Variants in CNTN5 observed in about 807,000 individuals in gnomAD.
The protein encoded by CNTN5 is contactin 5.
Under a neutral mutation model 129.1 loss-of-function variants are expected in CNTN5, and 77 were observed. The observed-to-expected ratio is 0.60, with a 90% confidence interval of 0.50 to 0.72. The LOEUF is 0.72. Ranked by LOEUF, CNTN5 falls within the 30% of genes least tolerant of loss-of-function variation. The pLI is 0.00. For missense variants in CNTN5, 1,478 were observed against 1,328.8 expected, an observed-to-expected ratio of 1.11 and a Z score of -1.75; for synonymous variants, 509 against 465.6, an observed-to-expected ratio of 1.09 and a Z score of -1.20.
intron 13 of CNTN5, among the ~76,000 whole-genome samples, chr11:100,157,630 A>T (rs1449228954): frequency 6.6e-6 from 1 of 151,854 alleles, no homozygotes; most frequent in Non-Finnish European, 1.5e-5. Flanking sequence ...AAGTTGAAAA[A>T]TTGTAAAGAT....
At chr11:99,226,209 T>C (rs1860677175) in intron 1 of CNTN5, among the ~76,000 whole-genome samples, 1 of 152,172 alleles carries the variant, frequency 6.6e-6, no homozygotes, top group South Asian at 2.1e-4. Flanking sequence ...AGTTAATCTA[T>C]GAAAGAATTT....
chr11:99,641,628 C>A (rs1023547676), intron 3 of CNTN5, among the ~76,000 whole-genome samples: 1 of 152,058 alleles, frequency 6.6e-6, no homozygotes, highest in Non-Finnish European at 1.5e-5. Context: ...AAAGAGATGT[C>A]GGCTAATGGG....
intron 1 of CNTN5, among the ~76,000 whole-genome samples, chr11:99,250,525 T>TA (rs141641386): frequency 0.064 from 9,801 of 152,026 alleles, 361 homozygotes; most frequent in Middle Eastern, 0.092. Flanking sequence ...GTAGCAATAT[T>TA]AAAAATCTAA....
Position 100,002,100 on chromosome 11 carries a change from G to T in CNTN5, c.944G>T (p.Gly315Val), listed in dbSNP as rs1437307535. ...CCTTTCACGGTTACAGCTGCTAAAG[G>T]AACAACTGTTAAGATGGAATGCTTT... Reference protein sequence around the residue: ...HFPFTVTAAKGTTVKMECFAL... With the variant: ...HFPFTVTAAKVTTVKMECFAL... Residue 315 changes from glycine to valine, a missense_variant, in exon 9 of 25, where the codon GGA becomes GTA. Physicochemically the swap from Gly to Val is moderately radical, Grantham distance 109. Coordinates refer to ENST00000524871, the MANE Select transcript of CNTN5 (RefSeq NM_014361.4). 6.3e-7 allele frequency: 1 copy of T among 1,595,976 alleles called. No homozygotes were observed. The highest frequency in any genetic ancestry group is 8.5e-7 in the Non-Finnish European group (1 of 1,174,384).
At chr11:99,435,985 C>T (rs575852306) in intron 2 of CNTN5, among the ~76,000 whole-genome samples, 2 of 152,234 alleles carry the variant, frequency 1.3e-5, no homozygotes, top group South Asian at 4.1e-4. Context: ...TTTGAAATGA[C>T]TCATAATTTT....
Position 99,912,661 on chromosome 11 carries a change from G to A in CNTN5, c.578-3393G>A, listed in dbSNP as rs182886020. Among the ~76,000 whole-genome samples the A allele has an allele frequency of 6.4e-3, 612 of 95,960 alleles. 9 individuals are homozygous for A. The highest frequency in any genetic ancestry group is 0.029 in the African/African-American group (569 of 19,384). The allele number at this position is 95,960 out of a possible 152,430, so 63.0% of individuals were successfully genotyped here. A position where few individuals can be genotyped will look rare whatever the true frequency, so the allele number is the denominator to read the frequency against. The stretch of plus-strand genomic sequence containing the variant: ...TTTTTCATAGTTTTTTTTTTTTTTC[G>A]TAGTTCTTCTAGGATGAATAGGTGC... On this transcript the variant is annotated intron_variant, in intron 6 of 24. Coordinates refer to ENST00000524871, the MANE Select transcript of CNTN5 (RefSeq NM_014361.4).
At chr11:99,896,212 C>T (rs1055171048) in intron 6 of CNTN5, among the ~76,000 whole-genome samples, 9 of 152,176 alleles carry the variant, frequency 5.9e-5, no homozygotes, top group African/African-American at 2.2e-4. Context: ...GGCTTGTGCC[C>T]CACAAGTCCC....
intron 3 of CNTN5, among the ~76,000 whole-genome samples, chr11:99,569,425 C>T (rs1217188567): frequency 3.3e-5 from 5 of 152,008 alleles, no homozygotes; most frequent in South Asian, 2.1e-4. Context: ...GCGATTCTCC[C>T]GCGTCAGCCT....
intron 1 of CNTN5, among the ~76,000 whole-genome samples, chr11:99,211,243 G>T (rs1859765678): frequency 6.6e-6 from 1 of 151,920 alleles, no homozygotes; most frequent in African/African-American, 2.4e-5. Context: ...TTAGTCACTT[G>T]TTTTGTTTTG....
At chr11:99,336,710 G>A (rs1159086174) in intron 2 of CNTN5, among the ~76,000 whole-genome samples, 1 of 151,952 alleles carries the variant, frequency 6.6e-6, no homozygotes, top group East Asian at 1.9e-4. Context: ...CATGGTGCTG[G>A]GTGCCTGTAA....
chr11:100,028,738 C>T (rs1941553378), intron 9 of CNTN5, among the ~76,000 whole-genome samples: 1 of 152,140 alleles, frequency 6.6e-6, no homozygotes, highest in Non-Finnish European at 1.5e-5. Flanking sequence ...TATATATTGT[C>T]ATGTGCCCTA....
At chr11:99,439,366 A>T (rs1032462916) in intron 2 of CNTN5, among the ~76,000 whole-genome samples, 5 of 152,088 alleles carry the variant, frequency 3.3e-5, no homozygotes. Context: ...ATCTAAAAAA[A>T]TAACGTTAAA....
intron 15 of CNTN5, among the ~76,000 whole-genome samples, chr11:100,210,347 C>CAAAAAAAAA (rs374618789): frequency 1.2e-5 from 1 of 80,916 alleles, no homozygotes; most frequent in Non-Finnish European, 2.4e-5. Context: ...GAGACTATCT[C>CAAAAAAAAA]AAAAAAAAAA....
At chr11:99,589,376 T>C (rs1245348586) in intron 3 of CNTN5, among the ~76,000 whole-genome samples, 1 of 152,206 alleles carries the variant, frequency 6.6e-6, no homozygotes, top group Non-Finnish European at 1.5e-5. Flanking sequence ...TTCAATAAGT[T>C]CTACCCTGAT....
intron 6 of CNTN5, among the ~76,000 whole-genome samples, chr11:99,849,113 G>C (rs1207853377): frequency 6.6e-6 from 1 of 151,088 alleles, no homozygotes; most frequent in Non-Finnish European, 1.5e-5. Context: ...TTTTATAATA[G>C]GTATATACTT....
chr11:100,281,915 G>A (rs1026684434), intron 18 of CNTN5, among the ~76,000 whole-genome samples: 3 of 151,248 alleles, frequency 2.0e-5, no homozygotes, highest in African/African-American at 7.3e-5. Context: ...CAGCTCCAGA[G>A]TTTGTGTTGG....
In CNTN5 at chr11:99,864,677, T is replaced by C. The variant is rs564494175; in HGVS notation, c.577+19415T>C. Among the ~76,000 whole-genome samples the C allele has an allele frequency of 3.9e-5, 6 of 152,294 alleles. No individual in the cohort carries two copies. In the East Asian group the frequency reaches 7.7e-4, roughly 20 times the overall value. ...CTCCCTGAACTCCCTAAGTAATTCA[T>C]TTTAAAAATCGACTTCTTTTGATAG... is the stretch of plus-strand genomic sequence containing the variant. On this transcript the variant is annotated intron_variant, in intron 6 of 24. Transcript: ENST00000524871.
chr11:99,638,886 G>A (rs976147508), intron 3 of CNTN5, among the ~76,000 whole-genome samples: 1 of 152,124 alleles, frequency 6.6e-6, no homozygotes, highest in African/African-American at 2.4e-5. Context: ...TGGATCTACT[G>A]TTCTGGGGTC....
At chr11:100,159,903 G>A (rs1490220507) in intron 13 of CNTN5, among the ~76,000 whole-genome samples, 1 of 151,814 alleles carries the variant, frequency 6.6e-6, no homozygotes, top group Non-Finnish European at 1.5e-5. Flanking sequence ...ACTGTGAAGT[G>A]CACTCACTTT....
Sources: gnomAD v4.1 joint callset for allele counts (sites outside exome capture counted in the v4.1 genomes callset) on GRCh38, gnomAD v4.1.1 for gene constraint, MANE v1.5 for transcripts, NCBI Gene and HGNC (gene_info 2026-07-23, HGNC 2026-07-21) for gene names.